TBC1D28: variants seen among roughly 807,000 people sequenced by gnomAD.
TBC1D28 encodes TBC1 domain family member 28, also known as TBC1 domain family, member 28.
TBC1D28 carries 20 observed loss-of-function variants against 29.2 expected under a neutral mutation model. The observed-to-expected ratio is 0.68, with a 90% CI of 0.48 to 0.99. The LOEUF is 0.99. Among genes scored for constraint, TBC1D28 ranks in the 50% least tolerant of loss-of-function variants. The pLI is 0.00. For missense variants in TBC1D28, 205 were observed against 243.7 expected (o/e 0.84, Z 1.06); for synonymous variants, 65 against 90.9 (o/e 0.71, Z 1.62).
exon 9 of TBC1D28, chr17:18,636,465 A>C (rs537403850): frequency 6.2e-7 from 1 of 1,611,754 alleles, no homozygotes; most frequent in South Asian, 1.1e-5. Context: ...TGAATTTTCA[A>C]GAAGTTGCAA....
upstream of TBC1D28, chr17:18,643,034 C>G (rs910335495): frequency 2.6e-5 from 4 of 152,290 alleles, no homozygotes; most frequent in Non-Finnish European, 4.4e-5. Flanking sequence ...GCACGAGTAG[C>G]GTCTCTGGCC....
exon 9 of TBC1D28, chr17:18,635,960 G>A (rs543823881): frequency 6.1e-6 from 6 of 991,618 alleles, no homozygotes; most frequent in East Asian, 1.1e-4. Context: ...AACTGGCCAC[G>A]GTCCTGCAAC....
chr17:18,636,408 C>T, exon 9 of TBC1D28: 3 of 1,596,474 alleles, frequency 1.9e-6, no homozygotes, highest in Non-Finnish European at 2.6e-6. Flanking sequence ...CCTTTTCTGC[C>T]AGCAGCGAGC....
At chr17:18,637,201 C>T (rs1308250617) in intron 8 of TBC1D28, among the ~76,000 whole-genome samples, 8 of 133,484 alleles carry the variant, frequency 6.0e-5, no homozygotes, top group African/African-American at 9.1e-5. Context: ...CTCACTGAGT[C>T]GCCTCTGTCT....
chr17:18,637,700 C>T (rs1220187517), intron 8 of TBC1D28, among the ~76,000 whole-genome samples, 164 bp downstream of exon 9: 5 of 152,142 alleles, frequency 3.3e-5, no homozygotes, highest in Non-Finnish European at 4.4e-5. Context: ...GGCTTAGAGC[C>T]GGGAGGTGCT....
chr17:18,640,535 T>C (rs2031716200), intron 4 of TBC1D28, among the ~76,000 whole-genome samples: 1 of 152,152 alleles, frequency 6.6e-6, no homozygotes. Flanking sequence ...GCCCTTCTTC[T>C]TCCACAACCT....
chr17:18,636,719 G>A (rs1403225410), intron 8 of TBC1D28, 122 bp from the exon 10 acceptor site: 1 of 1,234,720 alleles, frequency 8.1e-7, no homozygotes, highest in East Asian at 2.3e-5. Flanking sequence ...AATAAGCAGT[G>A]AGCTCTTTAG....
chr17:18,634,567 A>G (rs1468248869), downstream of TBC1D28, among the ~76,000 whole-genome samples: 1 of 152,194 alleles, frequency 6.6e-6, no homozygotes, highest in Non-Finnish European at 1.5e-5. Context: ...GCGTAATAAA[A>G]CAAAATGCTG....
exon 9 of TBC1D28, chr17:18,636,225 C>T: frequency 7.6e-7 from 1 of 1,310,596 alleles, no homozygotes; most frequent in Non-Finnish European, 9.7e-7. Flanking sequence ...ATGACAAGTG[C>T]CTGGCCCATC....
chr17:18,637,617 T>C (rs1359644498), intron 8 of TBC1D28, among the ~76,000 whole-genome samples: 4 of 151,002 alleles, frequency 2.6e-5, no homozygotes, highest in African/African-American at 9.8e-5. Flanking sequence ...TCTGCATGAC[T>C]CTTTTTTTTT....
chr17:18,638,268 T>C, intron 7 of TBC1D28, 45 bp downstream of exon 8: 1 of 1,603,840 alleles, frequency 6.2e-7, no homozygotes, highest in South Asian at 1.1e-5. Context: ...CCTGATACAG[T>C]CTAGCTTGTT....
intron 8 of TBC1D28, 117 bp from the exon 10 acceptor site, chr17:18,636,714 G>A (rs1354612737): frequency 1.6e-6 from 2 of 1,284,758 alleles, no homozygotes; most frequent in African/African-American, 3.0e-5. Flanking sequence ...CCCCAAATAA[G>A]CAGTGAGCTC....
chr17:18,641,426 C>T (rs2031760193), intron 2 of TBC1D28, 73 bp from the exon 4 acceptor site: 9 of 1,016,274 alleles, frequency 8.9e-6, no homozygotes, highest in East Asian at 2.4e-5. Flanking sequence ...ACACGCACTG[C>T]ACTCCCAGAC....
upstream of TBC1D28, chr17:18,644,369 C>G (rs981417367): frequency 8.5e-5 from 13 of 152,272 alleles, no homozygotes; most frequent in African/African-American, 3.1e-4. Context: ...TGTCTTATCT[C>G]TAAGAGCTCC....
In TBC1D28 at chr17:18,636,988, C is replaced by A. The variant is rs1480982427; in HGVS notation, c.498-391G>T. On this transcript the variant is annotated intron_variant, in intron 8 of 8. Transcript: ENST00000345096. ...TCATCTTCCAAGTCCCTAGCATGTC[C>A]CCTTTGCAGGCAACGTCTCCCGGCT... Among the ~76,000 whole-genome samples, 6 of 87,620 alleles carry A rather than the reference C, an allele frequency of 6.8e-5. 2 individuals are homozygous for A. Among genetic ancestry groups the A allele is most frequent in the African/African-American group, 3.8e-4 (6 of 15,820 alleles). 57.5% of individuals were successfully genotyped at this position (87,620 alleles called of 152,430 possible). A position where few individuals can be genotyped will look rare whatever the true frequency, so the allele number is the denominator to read the frequency against.
At chr17:18,640,078 A>T in intron 4 of TBC1D28, among the ~76,000 whole-genome samples, 1 of 149,920 alleles carries the variant, frequency 6.7e-6, no homozygotes, top group Non-Finnish European at 1.5e-5. Flanking sequence ...AAACCAGGAC[A>T]TGGGATGCTT....
upstream of TBC1D28, chr17:18,644,357 T>TCAGAACC (rs1387413775): frequency 1.3e-5 from 2 of 152,218 alleles, no homozygotes; most frequent in Non-Finnish European, 2.9e-5. Context: ...CAGACACCTC[T>TCAGAACC]ATGTCTTATC....
chr17:18,637,796 G>C, intron 8 of TBC1D28, 68 bp downstream of exon 9: 4 of 1,610,236 alleles, frequency 2.5e-6, no homozygotes, highest in Non-Finnish European at 2.5e-6. Flanking sequence ...CCTCTGCCCT[G>C]GGGACAACCT....
chr17:18,635,875 G>C, exon 9 of TBC1D28: 1 of 992,380 alleles, frequency 1.0e-6, no homozygotes, highest in Non-Finnish European at 1.2e-6. Flanking sequence ...GTTTGTCCCA[G>C]GAGAGGCCCA....
Sources: allele counts gnomAD v4.1 joint callset (sites outside exome capture counted in the v4.1 genomes callset), GRCh38; gene constraint gnomAD v4.1.1; transcripts MANE v1.5; gene names NCBI Gene and HGNC (gene_info 2026-07-23, HGNC 2026-07-21).